SGCZ: variants seen among roughly 807,000 people sequenced by gnomAD.
SGCZ encodes zeta-sarcoglycan.
Under a neutral mutation model 41.3 loss-of-function variants are expected in SGCZ, and 40 were observed. The ratio of observed to expected loss-of-function variants is 0.97; its 90% confidence interval spans 0.75 to 1.26. The LOEUF (loss-of-function observed/expected upper bound fraction) is 1.26. Ranked by LOEUF, SGCZ falls within the 50% of genes most tolerant of loss-of-function variation. The pLI is 0.00. For synonymous variants in SGCZ, 206 were observed against 137.5 expected (o/e 1.50, Z -3.49); for missense variants, 552 against 369.8 (o/e 1.49, Z -4.04).
intron 1 of SGCZ, among the ~76,000 whole-genome samples, chr8:15,076,850 GA>G (rs1325217013): frequency 6.6e-6 from 1 of 150,436 alleles, no homozygotes; most frequent in African/African-American, 2.4e-5. Flanking sequence ...CAAAGAGAGG[GA>G]AAAAAAAGAG....
At chr8:14,764,908 TA>T (rs1799994801) in intron 1 of SGCZ, among the ~76,000 whole-genome samples, 1 of 152,220 alleles carries the variant, frequency 6.6e-6, no homozygotes, top group Admixed American at 6.5e-5. Flanking sequence ...ATCTTACTTT[TA>T]AATGGTTGAA....
chr8:14,776,220 T>A (rs1800396761), intron 1 of SGCZ, among the ~76,000 whole-genome samples: 1 of 152,196 alleles, frequency 6.6e-6, no homozygotes, highest in South Asian at 2.1e-4. Context: ...TACTTTGAAT[T>A]GTAATAATCC....
At chr8:15,051,905 C>A (rs1327764416) in intron 1 of SGCZ, among the ~76,000 whole-genome samples, 2 of 152,080 alleles carry the variant, frequency 1.3e-5, no homozygotes, top group Non-Finnish European at 2.9e-5. Flanking sequence ...AAGGAGATAG[C>A]ACAATTTGGG....
At chr8:14,740,029 C>G (rs1476204686) in intron 1 of SGCZ, among the ~76,000 whole-genome samples, 1 of 151,936 alleles carries the variant, frequency 6.6e-6, no homozygotes, top group Non-Finnish European at 1.5e-5. Context: ...TCAACACTTT[C>G]TTTATTCTGT....
intron 1 of SGCZ, among the ~76,000 whole-genome samples, chr8:15,187,058 C>G (rs185332492): frequency 1.2e-4 from 19 of 152,212 alleles, no homozygotes; most frequent in African/African-American, 4.3e-4. Context: ...TCGCATAAAT[C>G]AGCCAACAAG....
At chr8:14,988,361 C>G (rs533906705) in intron 1 of SGCZ, among the ~76,000 whole-genome samples, 1 of 151,884 alleles carries the variant, frequency 6.6e-6, no homozygotes, top group South Asian at 2.1e-4. Context: ...TTAAGATATA[C>G]TATACTTTTT....
chr8:15,230,740 A>G (rs2117206338), intron 1 of SGCZ, among the ~76,000 whole-genome samples: 1 of 152,324 alleles, frequency 6.6e-6, no homozygotes, highest in East Asian at 1.9e-4. Context: ...GCCAAAGGCA[A>G]GTATGGAGAG....
chr8:14,220,024 T>C (rs1188491417), intron 4 of SGCZ, among the ~76,000 whole-genome samples: 1 of 152,210 alleles, frequency 6.6e-6, no homozygotes, highest in African/African-American at 2.4e-5. Flanking sequence ...TAAAGATGTG[T>C]TTGAGCCTAG....
chr8:14,398,530 A>G (rs1245549453), intron 2 of SGCZ, among the ~76,000 whole-genome samples: 5 of 152,148 alleles, frequency 3.3e-5, no homozygotes, highest in Non-Finnish European at 1.5e-5. Context: ...AAATTAATAT[A>G]GAGTGTTTAT....
At chr8:14,647,240 C>T (rs1312525425) in intron 1 of SGCZ, among the ~76,000 whole-genome samples, 4 of 151,960 alleles carry the variant, frequency 2.6e-5, no homozygotes, top group African/African-American at 9.7e-5. Context: ...GACCACACTC[C>T]TTCAGCATTT....
chr8:14,775,019 C>G (rs911753280), intron 1 of SGCZ, among the ~76,000 whole-genome samples: 2 of 152,076 alleles, frequency 1.3e-5, no homozygotes, highest in Non-Finnish European at 2.9e-5. Context: ...GGAAAATATT[C>G]AAGCACATAA....
chr8:14,721,298 A>G, intron 1 of SGCZ, among the ~76,000 whole-genome samples: 1 of 152,152 alleles, frequency 6.6e-6, no homozygotes. Context: ...TTTCCTTAGA[A>G]CCAGAGATTT....
At position 14,968,908 on chromosome 8, in the gene SGCZ, T is replaced by C. The variant is rs575467789; in HGVS notation, c.39+268677A>G. On this transcript the variant is annotated intron_variant, in intron 1 of 7. Transcript: ENST00000382080. ...AGATGGCTTTTCATTCGAGCTTTTT[T>C]TTCTCACAAATGATATTTTCCTGTG... Among the ~76,000 whole-genome samples the C allele has an allele frequency of 3.9e-5, 6 of 152,272 alleles. No homozygotes were observed. In the South Asian group the frequency reaches 1.2e-3, roughly 32 times the overall value.
intron 2 of SGCZ, among the ~76,000 whole-genome samples, chr8:14,450,587 G>C (rs1168878962): frequency 6.6e-6 from 1 of 152,150 alleles, no homozygotes; most frequent in Non-Finnish European, 1.5e-5. Flanking sequence ...ACAACCTCCA[G>C]TGATCACTGC....
intron 2 of SGCZ, among the ~76,000 whole-genome samples, chr8:14,337,887 G>A (rs1802557920): frequency 6.6e-6 from 1 of 152,162 alleles, no homozygotes; most frequent in East Asian, 1.9e-4. Flanking sequence ...TAAATAGCCA[G>A]AAGCCGGATG....
At chr8:14,826,643 G>A (rs1282845321) in intron 1 of SGCZ, among the ~76,000 whole-genome samples, 2 of 152,066 alleles carry the variant, frequency 1.3e-5, no homozygotes, top group Admixed American at 6.6e-5. Flanking sequence ...GTGTGAGATG[G>A]TATCTCATTG....
chr8:14,108,294 T>C, intron 5 of SGCZ, 59 bp from the exon 6 acceptor site: 2 of 1,425,898 alleles, frequency 1.4e-6, no homozygotes, highest in Non-Finnish European at 2.0e-6. Context: ...GGCTTTCATC[T>C]CTATGTTTAT....
intron 1 of SGCZ, among the ~76,000 whole-genome samples, chr8:15,068,470 A>T (rs571216323): frequency 6.6e-6 from 1 of 152,350 alleles, no homozygotes; most frequent in African/African-American, 2.4e-5. Context: ...CCTGACTTGT[A>T]ACTATGAAAA....
At chr8:14,093,885 G>A (rs1236604058) in intron 7 of SGCZ, among the ~76,000 whole-genome samples, 1 of 151,940 alleles carries the variant, frequency 6.6e-6, no homozygotes, top group Non-Finnish European at 1.5e-5. Context: ...CATTTGTAAT[G>A]TTACATTTGT....
Sources: gnomAD v4.1 joint callset for allele counts (sites outside exome capture counted in the v4.1 genomes callset) on GRCh38, gnomAD v4.1.1 for gene constraint, MANE v1.5 for transcripts, NCBI Gene and HGNC (gene_info 2026-07-23, HGNC 2026-07-21) for gene names.